Variants in ADGRL3 observed in about 807,000 individuals in gnomAD.
The protein encoded by ADGRL3 is adhesion G protein-coupled receptor L3, also known as calcium-independent alpha-latrotoxin receptor 3.
In ADGRL3, 62 loss-of-function variants were observed where a neutral mutation model predicts 153.5. That is an observed-to-expected ratio of 0.40 (90% CI 0.33 to 0.50). The LOEUF is 0.50. Among genes scored for constraint, ADGRL3 ranks in the 20% least tolerant of loss-of-function variants. ADGRL3 has a pLI of 0.47. For synonymous variants in ADGRL3, 710 were observed against 672.5 expected (o/e 1.06, Z -0.86); for missense variants, 1,641 against 1,859.4 (o/e 0.88, Z 2.16).
At chr4:61,448,519 A>G (rs2097617020) in intron 2 of ADGRL3, among the ~76,000 whole-genome samples, 1 of 152,098 alleles carries the variant, frequency 6.6e-6, no homozygotes, top group African/African-American at 2.4e-5. Flanking sequence ...AATACTTTAT[A>G]AAGTTATTGT....
chr4:61,800,782 A>C (rs2097485534), intron 8 of ADGRL3, among the ~76,000 whole-genome samples: 1 of 152,212 alleles, frequency 6.6e-6, no homozygotes, highest in African/African-American at 2.4e-5. Flanking sequence ...CATCAGGCAT[A>C]ATTCTGAAAA....
At chr4:61,239,039 T>C (rs1753907863) in intron 1 of ADGRL3, among the ~76,000 whole-genome samples, 1 of 152,158 alleles carries the variant, frequency 6.6e-6, no homozygotes, top group Non-Finnish European at 1.5e-5. Flanking sequence ...CATTTGTGTC[T>C]CTGGTCTAGC....
rs539154900 is a variant in ADGRL3, at chr4:61,693,298, G to A, written c.583+16363G>A. On this transcript the variant is annotated intron_variant, in intron 6 of 26. Transcript: ENST00000683033. ...ACCAAATTAAACAGTAAAGTGTCAT[G>A]TTCACCTTTCTAAAGCTTCAGAGTA... Among the ~76,000 whole-genome samples, 5 of 151,472 alleles carry A rather than the reference G, an allele frequency of 3.3e-5. No homozygotes were observed. In the East Asian group the frequency reaches 9.8e-4, roughly 30 times the overall value.
At chr4:61,467,880 T>G (rs2097904260) in intron 2 of ADGRL3, among the ~76,000 whole-genome samples, 1 of 152,180 alleles carries the variant, frequency 6.6e-6, no homozygotes, top group South Asian at 2.1e-4. Context: ...ATCTTAATGG[T>G]CCTATGTATG....
intron 21 of ADGRL3, among the ~76,000 whole-genome samples, chr4:62,018,184 T>A (rs1463532798): frequency 2.0e-5 from 3 of 152,072 alleles, no homozygotes; most frequent in African/African-American, 7.2e-5. Context: ...TTAATAGACA[T>A]CCCAAAGGCC....
intron 2 of ADGRL3, among the ~76,000 whole-genome samples, chr4:61,430,390 G>T (rs1450063686): frequency 6.6e-6 from 1 of 152,198 alleles, no homozygotes; most frequent in East Asian, 1.9e-4. Context: ...GTCCTAAAAG[G>T]ATTGGTATAG....
chr4:61,976,618 G>A (rs1488846838), intron 17 of ADGRL3, among the ~76,000 whole-genome samples: 6 of 152,130 alleles, frequency 3.9e-5, no homozygotes, highest in Non-Finnish European at 8.8e-5. Flanking sequence ...TGAATAATGG[G>A]AGCGGTTCCC....
intron 11 of ADGRL3, among the ~76,000 whole-genome samples, chr4:61,900,106 A>G (rs959361979): frequency 2.6e-5 from 4 of 152,152 alleles, no homozygotes; most frequent in African/African-American, 9.7e-5. Flanking sequence ...TGGACATATC[A>G]TTAACCTCTG....
chr4:61,585,135 G>A (rs191810461), intron 4 of ADGRL3, among the ~76,000 whole-genome samples: 2 of 152,088 alleles, frequency 1.3e-5, no homozygotes, highest in Admixed American at 1.3e-4. Context: ...CTATGGGTGT[G>A]TGTGTATGTG....
chr4:61,481,046 C>G (rs1297370233), intron 2 of ADGRL3, among the ~76,000 whole-genome samples: 1 of 152,116 alleles, frequency 6.6e-6, no homozygotes. Context: ...ACTTAACACA[C>G]CCCTAGTAAT....
intron 5 of ADGRL3, among the ~76,000 whole-genome samples, chr4:61,624,740 A>G (rs926528595): frequency 6.6e-6 from 1 of 152,110 alleles, no homozygotes; most frequent in Non-Finnish European, 1.5e-5. Context: ...TATTCTACCT[A>G]TGCTTTGAAT....
intron 4 of ADGRL3, among the ~76,000 whole-genome samples, chr4:61,537,683 G>C (rs973866484): frequency 6.6e-6 from 1 of 151,854 alleles, no homozygotes; most frequent in Non-Finnish European, 1.5e-5. Flanking sequence ...CTGTATTTTG[G>C]AGTTCCTTTA....
intron 8 of ADGRL3, among the ~76,000 whole-genome samples, chr4:61,743,713 A>G (rs1172559834): frequency 1.3e-5 from 2 of 151,968 alleles, no homozygotes; most frequent in Non-Finnish European, 2.9e-5. Context: ...AAGAATTAAG[A>G]AAAAGACAGG....
chr4:61,682,562 A>AT (rs1435942815), intron 6 of ADGRL3, among the ~76,000 whole-genome samples: 46 of 80,726 alleles, frequency 5.7e-4, no homozygotes, highest in African/African-American at 1.1e-3. Flanking sequence ...TCTTTAAAAA[A>AT]ATTTTTTTTT....
intron 5 of ADGRL3, among the ~76,000 whole-genome samples, chr4:61,607,606 C>A (rs1293157746): frequency 6.6e-6 from 1 of 151,814 alleles, no homozygotes; most frequent in Non-Finnish European, 1.5e-5. Flanking sequence ...AACAAACAAA[C>A]AAACAAACAA....
chr4:61,981,114 C>T (rs1460000521), intron 18 of ADGRL3, among the ~76,000 whole-genome samples: 2 of 152,148 alleles, frequency 1.3e-5, no homozygotes, highest in African/African-American at 4.8e-5. Context: ...AGGAGATGTA[C>T]ATTTCTTCGG....
intron 19 of ADGRL3, among the ~76,000 whole-genome samples, chr4:61,986,911 C>T (rs2099087418): frequency 6.6e-6 from 1 of 152,056 alleles, no homozygotes; most frequent in Non-Finnish European, 1.5e-5. Context: ...AAAAGAGAAC[C>T]AGTACTGAGC....
chr4:61,755,123 G>A (rs1323270595), intron 8 of ADGRL3, among the ~76,000 whole-genome samples: 1 of 152,002 alleles, frequency 6.6e-6, no homozygotes, highest in African/African-American at 2.4e-5. Flanking sequence ...TAATCTTTTG[G>A]GTATATACCC....
At chr4:61,670,192 G>C (rs1214958796) in intron 5 of ADGRL3, among the ~76,000 whole-genome samples, 1 of 152,054 alleles carries the variant, frequency 6.6e-6, no homozygotes, top group Non-Finnish European at 1.5e-5. Flanking sequence ...TATTCAGGAG[G>C]CTGAGGCAGG....
Sources: allele counts gnomAD v4.1 joint callset (sites outside exome capture counted in the v4.1 genomes callset), GRCh38; gene constraint gnomAD v4.1.1; transcripts MANE v1.5; gene names NCBI Gene and HGNC (gene_info 2026-07-23, HGNC 2026-07-21).